The following SGK3 variants were observed in gnomAD, a reference collection of about 807,000 sequenced individuals.
The protein encoded by SGK3 is serum/glucocorticoid regulated kinase family member 3.
A neutral mutation model predicts 68.5 loss-of-function variants in SGK3; 47 were observed. The ratio of observed to expected loss-of-function variants is 0.69; its 90% confidence interval spans 0.54 to 0.87. The LOEUF is 0.87. SGK3 is among the 40% of genes least tolerant of loss of function. The pLI is 0.00. For missense variants in SGK3, 479 were observed against 575.5 expected (o/e 0.83, Z 1.72); for synonymous variants, 181 against 189.1 (o/e 0.96, Z 0.35).
At chr8:66,727,956 A>T (rs1191301845) in intron 1 of SGK3, among the ~76,000 whole-genome samples, 1 of 152,252 alleles carries the variant, frequency 6.6e-6, no homozygotes, top group African/African-American at 2.4e-5. Context: ...AGCATACACT[A>T]GAGTAATTTA....
At position 66,726,793 on chromosome 8, in the gene SGK3, C is replaced by T. The variant is rs200507895; in HGVS notation, c.-122+13960C>T. Among the ~76,000 whole-genome samples, 19 of 118,478 alleles carry T rather than the reference C, an allele frequency of 1.6e-4. No individual in the cohort carries two copies. The East Asian group carries it at 3.8e-3, about 23-fold the overall frequency. 77.7% of individuals were successfully genotyped at this position (118,478 alleles called of 152,430 possible). A position where few individuals can be genotyped will look rare whatever the true frequency, so the allele number is the denominator to read the frequency against. On this transcript the variant is annotated intron_variant, in intron 1 of 16. Coordinates refer to ENST00000521198, the MANE Select transcript of SGK3 (RefSeq NM_001033578.3). ...TCCAGCCTGAATGACAGAGCAAGAC[C>T]CTGTCTGTAAAAAAAAAAAAAAAAA...
chr8:66,807,382 T>TAAAA (rs776059345), intron 4 of SGK3, among the ~76,000 whole-genome samples: 21 of 152,294 alleles, frequency 1.4e-4, no homozygotes, highest in Non-Finnish European at 2.6e-4. Context: ...AGCAAAGAAG[T>TAAAA]AAAAGACTGG....
chr8:66,846,214 A>G (rs1234561359), intron 14 of SGK3, among the ~76,000 whole-genome samples: 2 of 152,202 alleles, frequency 1.3e-5, no homozygotes, highest in African/African-American at 2.4e-5. Context: ...TGTAGGTTAC[A>G]TATTACAACC....
At chr8:66,787,331 G>T (rs968271813) in intron 1 of SGK3, among the ~76,000 whole-genome samples, 2 of 152,174 alleles carry the variant, frequency 1.3e-5, no homozygotes, top group Non-Finnish European at 2.9e-5. Flanking sequence ...AAAACAAATT[G>T]TTATACTTTA....
chr8:66,859,656 A>T lies in SGK3; in HGVS notation c.*75A>T, dbSNP rs756019012. 7.0e-6 allele frequency: 10 copies of T among 1,434,470 alleles called. No homozygotes were observed. The highest frequency in any genetic ancestry group is 9.3e-6 in the Non-Finnish European group (10 of 1,076,886). 88.9% of individuals were successfully genotyped at this position (1,434,470 alleles called of 1,614,324 possible). A position where few individuals can be genotyped will look rare whatever the true frequency, so the allele number is the denominator to read the frequency against. ...CTGAAACTTCTATTTGTGTGAATAT[A>T]TTCAAATATGTATAACTAGTGCCTC... On this transcript the variant is annotated 3_prime_UTR_variant, in exon 17 of 17. Transcript: ENST00000521198.
intron 5 of SGK3, among the ~76,000 whole-genome samples, chr8:66,821,622 C>A (rs1808828308): frequency 6.6e-6 from 1 of 151,782 alleles, no homozygotes; most frequent in South Asian, 2.1e-4. Context: ...ACACCATTCT[C>A]CTGCCTCAGC....
chr8:66,788,961 G>C (rs1807322523), intron 1 of SGK3, among the ~76,000 whole-genome samples: 2 of 152,140 alleles, frequency 1.3e-5, no homozygotes, highest in South Asian at 4.1e-4. Context: ...CTATATTATG[G>C]CAATTCAGAC....
At chr8:66,829,909 G>A (rs907882207) in intron 7 of SGK3, among the ~76,000 whole-genome samples, 1 of 141,618 alleles carries the variant, frequency 7.1e-6, no homozygotes, top group South Asian at 2.2e-4. Flanking sequence ...GTCTCGCTCT[G>A]TCGCCTAGGC....
chr8:66,723,131 A>T (rs371173594), intron 1 of SGK3, among the ~76,000 whole-genome samples: 5,167 of 29,614 alleles, frequency 0.17, 793 homozygotes, highest in African/African-American at 0.32. Flanking sequence ...ATATATATAT[A>T]TTTTTTTTTT....
At chr8:66,789,495 A>G (rs1171955451) in intron 1 of SGK3, among the ~76,000 whole-genome samples, 1 of 152,316 alleles carries the variant, frequency 6.6e-6, no homozygotes, top group East Asian at 1.9e-4. Context: ...TGTTTCCACT[A>G]TAATTCTATT....
intron 1 of SGK3, among the ~76,000 whole-genome samples, chr8:66,731,285 A>T (rs1032859807): frequency 1.3e-5 from 2 of 152,094 alleles, no homozygotes; most frequent in East Asian, 3.9e-4. Context: ...ATAGATGTCT[A>T]TTAGGTTTAG....
chr8:66,736,040 C>A (rs1805307442), intron 1 of SGK3, among the ~76,000 whole-genome samples: 1 of 152,178 alleles, frequency 6.6e-6, no homozygotes, highest in South Asian at 2.1e-4. Context: ...GACTCATTAT[C>A]TATTTTTAGC....
intron 6 of SGK3, 146 bp from the exon 7 acceptor site, chr8:66,828,508 C>T (rs1032930406): frequency 2.0e-6 from 2 of 979,206 alleles, no homozygotes; most frequent in East Asian, 5.1e-5. Context: ...AAGTCTATAC[C>T]CTTACTGAGA....
At chr8:66,855,402 C>T (rs1426641846) in intron 16 of SGK3, among the ~76,000 whole-genome samples, 4 of 152,132 alleles carry the variant, frequency 2.6e-5, no homozygotes, top group African/African-American at 4.8e-5. Flanking sequence ...GGGGTTTCAC[C>T]ATGTTGGCCA....
chr8:66,845,136 C>T (rs537280503), intron 14 of SGK3, among the ~76,000 whole-genome samples: 87 of 152,326 alleles, frequency 5.7e-4, no homozygotes, highest in Non-Finnish European at 8.7e-4. Flanking sequence ...CAGTGGCTCA[C>T]GCCTGTAATC....
chr8:66,726,003 G>A (rs1352990821), intron 1 of SGK3, among the ~76,000 whole-genome samples: 1 of 151,796 alleles, frequency 6.6e-6, no homozygotes, highest in Non-Finnish European at 1.5e-5. Context: ...GATGATATGA[G>A]TTTGGTGCTT....
chr8:66,791,634 AG>A (rs1174518078), intron 1 of SGK3, among the ~76,000 whole-genome samples: 2 of 152,192 alleles, frequency 1.3e-5, no homozygotes, highest in African/African-American at 4.8e-5. Flanking sequence ...TGTGGGCTAT[AG>A]CACAGCAAGG....
chr8:66,761,556 G>T (rs1021473309), intron 1 of SGK3, among the ~76,000 whole-genome samples: 2 of 152,126 alleles, frequency 1.3e-5, no homozygotes, highest in Non-Finnish European at 2.9e-5. Flanking sequence ...ATCACAAGAG[G>T]CTAGGTGTTT....
intron 1 of SGK3, among the ~76,000 whole-genome samples, chr8:66,731,789 C>G (rs766525072): frequency 6.6e-6 from 1 of 152,214 alleles, no homozygotes; most frequent in South Asian, 2.1e-4. Flanking sequence ...CTGCTTTGGC[C>G]TCCCAAAGTG....
Sources: gnomAD v4.1 joint callset for allele counts (sites outside exome capture counted in the v4.1 genomes callset) on GRCh38, gnomAD v4.1.1 for gene constraint, MANE v1.5 for transcripts, NCBI Gene and HGNC (gene_info 2026-07-23, HGNC 2026-07-21) for gene names.